The following LAP3 variants were observed in gnomAD, a reference collection of about 807,000 sequenced individuals.
LAP3 encodes cytosol aminopeptidase.
Under a neutral mutation model 58.8 loss-of-function variants are expected in LAP3, and 46 were observed. That is an observed-to-expected ratio of 0.78 (90% CI 0.62 to 1.00). LAP3 has a LOEUF of 1.00. LAP3 is among the 50% of genes least tolerant of loss of function. The probability of loss-of-function intolerance (pLI) is 0.00; values close to 1 mark genes in which losing one functional copy is unlikely to be tolerated. For missense variants in LAP3, 615 were observed against 659.1 expected, an observed-to-expected ratio of 0.93 and a Z score of 0.73; for synonymous variants, 257 against 237.7, an observed-to-expected ratio of 1.08 and a Z score of -0.75.
Position 17,595,363 on chromosome 4 carries a change from G to C in LAP3, c.864-47G>C, listed in dbSNP as rs764126997. ...GTACTTTTTAAATAAAGTGATTTTG[G>C]CCATCTTCTTTGCTCTTAATATTGC... On this transcript the variant is annotated intron_variant, in intron 7 of 12. Coordinates refer to ENST00000226299, the MANE Select transcript of LAP3 (RefSeq NM_015907.3). 10 of 1,597,040 alleles carry C rather than the reference G, an allele frequency of 6.3e-6. No individual in the cohort carries two copies. In the African/African-American group the frequency reaches 9.4e-5, roughly 15 times the overall value.
At position 17,592,842 on chromosome 4, in the gene LAP3, T is replaced by C. The variant is rs773622596; in HGVS notation, c.864-2568T>C. 3.9e-5 allele frequency among the ~76,000 whole-genome samples: 6 copies of C among 152,254 alleles called. No individual in the cohort carries two copies. The South Asian group carries it at 8.3e-4, about 21-fold the overall frequency. On this transcript the variant is annotated intron_variant, in intron 7 of 12. Transcript: ENST00000226299. ...TTTATTTTTTGAGACGGAGTCTCGC[T>C]CTGTCACCCAGGCTGGAGTGCACCT...
At chr4:17,593,995 T>C (rs1234236113) in intron 7 of LAP3, among the ~76,000 whole-genome samples, 9 of 152,108 alleles carry the variant, frequency 5.9e-5, no homozygotes, top group Admixed American at 5.9e-4. Context: ...ATGTGCTGTT[T>C]TTATGGTTAA....
At position 17,593,609 on chromosome 4, in the gene LAP3, G is replaced by GTTTTTTTTTTTTT. The variant is rs55676326; in HGVS notation, c.864-1793_864-1781dup. Among the ~76,000 whole-genome samples the GTTTTTTTTTTTTT allele has an allele frequency of 1.1e-3, 99 of 87,592 alleles. 11 individuals carry two copies. Among genetic ancestry groups the GTTTTTTTTTTTTT allele is most frequent in the African/African-American group, 3.2e-3 (69 of 21,414 alleles). 57.5% of individuals were successfully genotyped at this position (87,592 alleles called of 152,430 possible). ...CATATACATTTTAGAATCTGCTTGG[G>GTTTTTTTTTTTTT]TTTTTTTTTTTTTTTTTTTTGAGAC... On this transcript the variant is annotated intron_variant, in intron 7 of 12. Transcript: ENST00000226299.
At chr4:17,595,318 G>T in intron 7 of LAP3, 92 bp from the exon 8 acceptor site, 4 of 1,446,514 alleles carry the variant, frequency 2.8e-6, no homozygotes, top group Admixed American at 1.9e-5. Flanking sequence ...GATTACAGGC[G>T]TGAGCCACCG....
chr4:17,591,844 C>T (rs755018721), intron 7 of LAP3, among the ~76,000 whole-genome samples: 4 of 152,282 alleles, frequency 2.6e-5, no homozygotes, highest in Admixed American at 6.5e-5. Context: ...GATTTTTGCA[C>T]TCTGCTCTGA....
chr4:17,591,388 ACCTTG>A lies in LAP3; in HGVS notation c.863+2412_863+2416del, dbSNP rs1435465468. Among the ~76,000 whole-genome samples the A allele has an allele frequency of 2.1e-5, 3 of 141,592 alleles. No homozygotes were observed. In the East Asian group the frequency reaches 6.7e-4, roughly 31 times the overall value. The allele number at this position is 141,592 out of a possible 152,430, so 92.9% of individuals were successfully genotyped here. On this transcript the variant is annotated intron_variant, in intron 7 of 12. Coordinates refer to ENST00000226299, the MANE Select transcript of LAP3 (RefSeq NM_015907.3). ...AAACTCCTGATCTCGTGATCCCCCCACCTTGGCCTCCCAAAGTGCTGGGATTACCG... is the reference window on the plus strand; with the variant it reads ...AAACTCCTGATCTCGTGATCCCCCCAGCCTCCCAAAGTGCTGGGATTACCG...
At chr4:17,599,144 T>A (rs964720988) in intron 10 of LAP3, among the ~76,000 whole-genome samples, 1 of 152,140 alleles carries the variant, frequency 6.6e-6, no homozygotes, top group African/African-American at 2.4e-5. Flanking sequence ...AGTGCTGGGA[T>A]TACAAGATTA....
rs746748058 is a variant in LAP3 at position 17,577,477 on chromosome 4, G to T, written c.12G>T (p.Leu4=). MFL[L]PLPAAGRVVV... ...GCCGAGCCGACAAGATGTTCTTGCT[G>T]CCTCTTCCGGCTGCGGGGCGAGTAG... Residue 4 remains leucine, a synonymous_variant, in exon 1 of 13, where the codon CTG becomes CTT. Transcript: ENST00000226299. 1.9e-6 allele frequency: 3 copies of T among 1,579,262 alleles called. No homozygotes were observed. Among genetic ancestry groups the T allele is most frequent in the Non-Finnish European group, 2.6e-6 (3 of 1,164,426 alleles).
Position 17,597,084 on chromosome 4 carries a change from G to A in LAP3, c.1027G>A (p.Ala343Thr), listed in dbSNP as rs1448232596. ...PLCENMPSGK[A>T]NKPGDVVRAK... ...TTGTGAAAATATGCCCAGCGGCAAG[G>A]CCAACAAGCCGGGGGATGTTGTTAG... Residue 343 changes from alanine to threonine, a missense_variant, in exon 9 of 13, where the codon GCC becomes ACC. Physicochemically the swap from Ala to Thr is moderately conservative, Grantham distance 58. Coordinates refer to ENST00000226299, the MANE Select transcript of LAP3 (RefSeq NM_015907.3). The A allele has an allele frequency of 1.2e-6, 2 of 1,614,222 alleles. No homozygotes were observed. The highest frequency in any genetic ancestry group is 1.7e-6 in the Non-Finnish European group (2 of 1,180,030).
At chr4:17,592,243 C>T (rs181693473) in intron 7 of LAP3, among the ~76,000 whole-genome samples, 12 of 152,288 alleles carry the variant, frequency 7.9e-5, no homozygotes, top group Admixed American at 4.6e-4. Flanking sequence ...TGTAGTCATT[C>T]CCCACCTGCC....
At chr4:17,584,761 T>C in intron 5 of LAP3, 1 of 460,460 alleles carries the variant, frequency 2.2e-6, no homozygotes, top group South Asian at 2.8e-5. Context: ...CTGGTTCTGC[T>C]TTGTGTGGCC....
At chr4:17,594,849 G>C (rs71603375) in intron 7 of LAP3, among the ~76,000 whole-genome samples, 4 of 152,082 alleles carry the variant, frequency 2.6e-5, no homozygotes, top group Non-Finnish European at 5.9e-5. Flanking sequence ...TGACCTTCAC[G>C]TTCCATAAGT....
Position 17,577,543 on chromosome 4 carries a change from T to A in LAP3, c.78T>A (p.Ser26Arg), listed in dbSNP as rs772361027. 7.0e-6 allele frequency: 11 copies of A among 1,569,096 alleles called. No individual in the cohort carries two copies. Among genetic ancestry groups the A allele is most frequent in the Non-Finnish European group, 9.5e-6 (11 of 1,158,764 alleles). ...CCGTGAGACGTTTCGGGAGCCGGAG[T>A]CTCTCCACCGCAGACATGACGAAGG... ...RLAVRRFGSR[S>R]LSTADMTKGL... is the part of the protein sequence containing the mutation. The change falls in exon 1 of 13, where the codon AGT (serine) becomes AGA (arginine). Residue 26 changes from serine (S) to arginine (R), a missense_variant. Transcript: ENST00000226299.
At position 17,577,482 on chromosome 4, in the gene LAP3, T is replaced by C. The variant is rs1478181560; in HGVS notation, c.17T>C (p.Leu6Pro). ...GCCGACAAGATGTTCTTGCTGCCTC[T>C]TCCGGCTGCGGGGCGAGTAGTCGTC... Reference protein sequence around the residue: MFLLPLPAAGRVVVRR... With the variant: MFLLPPPAAGRVVVRR... Residue 6 changes from leucine (L) to proline (P), a missense_variant, in exon 1 of 13, where the codon CTT becomes CCT. Leu to Pro is a moderately conservative substitution (Grantham distance 98). Transcript: ENST00000226299. The C allele has an allele frequency of 1.3e-6, 2 of 1,581,300 alleles. No homozygotes were observed. The highest frequency in any genetic ancestry group is 2.3e-5 in the South Asian group (2 of 86,640).
intron 9 of LAP3, 55 bp downstream of exon 9, chr4:17,597,189 G>C (rs1713852611): frequency 1.4e-6 from 2 of 1,437,226 alleles, no homozygotes; most frequent in East Asian, 2.3e-5. Flanking sequence ...GGAATCCCGT[G>C]GTGGCCACAT....
At chr4:17,587,037 T>C (rs776863734) in intron 6 of LAP3, among the ~76,000 whole-genome samples, 2 of 152,110 alleles carry the variant, frequency 1.3e-5, no homozygotes, top group Non-Finnish European at 2.9e-5. Flanking sequence ...ATCTGGGAGA[T>C]GGAGGTTGCA....
rs773867621 is a variant in LAP3 at position 17,579,938 on chromosome 4, A to G, written c.217A>G (p.Ile73Val). 1 of 1,564,460 alleles carries G rather than the reference A, an allele frequency of 6.4e-7. No individual in the cohort carries two copies. Among genetic ancestry groups the G allele is most frequent in the Non-Finnish European group, 8.8e-7 (1 of 1,137,542 alleles). ...LAGKLRETLNISGPPLKAGKT... is the reference protein window; with the variant it reads ...LAGKLRETLNVSGPPLKAGKT... ...TGGAAAGCTGAGAGAGACTTTGAAC[A>G]TGTAAGTGTTGCTTGTGGGCTCTAG... The change falls in exon 2 of 13, where the codon ATA becomes GTA. Residue 73 changes from isoleucine (I) to valine (V), a missense_variant and splice_region_variant. By Grantham distance (29) the Ile-to-Val change is conservative. Coordinates refer to ENST00000226299, the MANE Select transcript of LAP3 (RefSeq NM_015907.3).
intron 10 of LAP3, among the ~76,000 whole-genome samples, chr4:17,602,191 G>A (rs1453154127): frequency 6.2e-4 from 95 of 152,280 alleles, no homozygotes; most frequent in Non-Finnish European, 5.9e-5. Flanking sequence ...GATACTGAAG[G>A]ATAGTAAGGT....
At chr4:17,606,615 G>A (rs1462209050) in intron 11 of LAP3, among the ~76,000 whole-genome samples, 1 of 152,216 alleles carries the variant, frequency 6.6e-6, no homozygotes, top group Non-Finnish European at 1.5e-5. Context: ...TGGGATTATA[G>A]GCGTGAGCCA....
Sources: gnomAD v4.1 joint callset for allele counts (sites outside exome capture counted in the v4.1 genomes callset) on GRCh38, gnomAD v4.1.1 for gene constraint, MANE v1.5 for transcripts, NCBI Gene and HGNC (gene_info 2026-07-23, HGNC 2026-07-21) for gene names.